PRKCA: variants seen among roughly 807,000 people sequenced by gnomAD.
The protein encoded by PRKCA is protein kinase C alpha type.
Under a neutral mutation model 87.0 loss-of-function variants are expected in PRKCA, and 27 were observed. The ratio of observed to expected loss-of-function variants is 0.31; its 90% CI spans 0.23 to 0.43. PRKCA has a LOEUF of 0.43. Ranked by LOEUF, PRKCA falls within the 20% of genes least tolerant of loss-of-function variation. PRKCA has a pLI of 1.00. For synonymous variants in PRKCA, 329 were observed against 311.1 expected, an observed-to-expected ratio of 1.06 and a Z score of -0.61; for missense variants, 518 against 852.3, an observed-to-expected ratio of 0.61 and a Z score of 4.88.
At chr17:66,541,838 A>AT (rs1275585851) in intron 3 of PRKCA, among the ~76,000 whole-genome samples, 4 of 152,186 alleles carry the variant, frequency 2.6e-5, no homozygotes, top group African/African-American at 9.7e-5. Flanking sequence ...GTCTCTGAGG[A>AT]TTTTCTATCA....
rs1052013842 is a variant in PRKCA at position 66,786,861 on chromosome 17, G to C, written c.1606-6G>C. On this transcript the variant is annotated splice_region_variant and splice_polypyrimidine_tract_variant and intron_variant, in intron 14 of 16. Coordinates refer to ENST00000413366, the MANE Select transcript of PRKCA (RefSeq NM_002737.3). Reference sequence around the variant, plus strand: ...ACTTTCCCATCTTTCTTTTTTTCCGGAACAGCCTCCATTTGATGGTGAAGA... The same window carrying C: ...ACTTTCCCATCTTTCTTTTTTTCCGCAACAGCCTCCATTTGATGGTGAAGA... The C allele has an allele frequency of 1.9e-6, 3 of 1,610,610 alleles. No individual in the cohort carries two copies. The highest frequency in any genetic ancestry group is 2.5e-6 in the Non-Finnish European group (3 of 1,177,854).
chr17:66,448,558 G>A (rs1481792649), intron 2 of PRKCA, among the ~76,000 whole-genome samples: 2 of 152,088 alleles, frequency 1.3e-5, no homozygotes, highest in Non-Finnish European at 2.9e-5. Flanking sequence ...ACCCTTTATA[G>A]TATATATTAA....
chr17:66,693,121 G>A (rs1188222731), intron 8 of PRKCA, among the ~76,000 whole-genome samples: 1 of 152,218 alleles, frequency 6.6e-6, no homozygotes, highest in Non-Finnish European at 1.5e-5. Context: ...AATTTAAATG[G>A]TTGGTTCTCA....
intron 3 of PRKCA, among the ~76,000 whole-genome samples, chr17:66,564,994 C>T (rs1275457582): frequency 6.6e-6 from 1 of 151,884 alleles, no homozygotes. Context: ...CAACAATCAC[C>T]ACCACCACCA....
intron 13 of PRKCA, among the ~76,000 whole-genome samples, chr17:66,751,250 C>A (rs1354224873): frequency 3.9e-5 from 6 of 152,246 alleles, no homozygotes; most frequent in South Asian, 4.1e-4. Context: ...TTAATTCTTA[C>A]AATAGCCCTC....
At chr17:66,452,848 A>C (rs373894372) in intron 2 of PRKCA, among the ~76,000 whole-genome samples, 2 of 152,368 alleles carry the variant, frequency 1.3e-5, no homozygotes, top group African/African-American at 4.8e-5. Context: ...TGGATGACAG[A>C]GCGAGACTCC....
chr17:66,451,795 A>G (rs1371371103), intron 2 of PRKCA, among the ~76,000 whole-genome samples: 1 of 152,172 alleles, frequency 6.6e-6, no homozygotes, highest in African/African-American at 2.4e-5. Flanking sequence ...TCCTGAGTCA[A>G]AGGCTCTGAA....
chr17:66,409,818 T>A (rs1316459559), intron 2 of PRKCA, among the ~76,000 whole-genome samples: 1 of 152,128 alleles, frequency 6.6e-6, no homozygotes, highest in Non-Finnish European at 1.5e-5. Flanking sequence ...GTGTCCCAGC[T>A]GAGACAGGAG....
At chr17:66,607,794 A>T (rs1970252642) in intron 3 of PRKCA, among the ~76,000 whole-genome samples, 1 of 152,080 alleles carries the variant, frequency 6.6e-6, no homozygotes, top group Admixed American at 6.5e-5. Flanking sequence ...TGCCTGTAGG[A>T]TCAACCAGGT....
intron 3 of PRKCA, 90 bp from the exon 4 acceptor site, chr17:66,641,265 G>A: frequency 1.2e-6 from 1 of 808,916 alleles, no homozygotes; most frequent in East Asian, 2.5e-5. Context: ...TTGACTTGGG[G>A]CTGGGGAGTG....
intron 3 of PRKCA, among the ~76,000 whole-genome samples, chr17:66,602,885 C>T (rs763234062): frequency 5.9e-5 from 9 of 152,254 alleles, no homozygotes; most frequent in Non-Finnish European, 7.4e-5. Flanking sequence ...AGGAGCTTGG[C>T]CTCTCCTCTT....
In PRKCA at chr17:66,768,223, C is replaced by T. The variant is rs181367402; in HGVS notation, c.1525-5764C>T. On this transcript the variant is annotated intron_variant, in intron 13 of 16. Transcript: ENST00000413366. Reference sequence around the variant, plus strand: ...CCGCCCAAAGTGCTGGGATTACAAGCGTGAGCCACCATGCCCAGCCATTTT... The same window carrying T: ...CCGCCCAAAGTGCTGGGATTACAAGTGTGAGCCACCATGCCCAGCCATTTT... 4.7e-5 allele frequency among the ~76,000 whole-genome samples: 7 copies of T among 149,572 alleles called. No homozygotes were observed. In the South Asian group the frequency reaches 1.5e-3, roughly 32 times the overall value.
At chr17:66,793,196 G>A (rs910123880) in intron 16 of PRKCA, among the ~76,000 whole-genome samples, 3 of 152,130 alleles carry the variant, frequency 2.0e-5, no homozygotes, top group East Asian at 3.9e-4. Context: ...ACATGAGGAC[G>A]GTCAGCTCAT....
At position 66,495,572 on chromosome 17, in the gene PRKCA, A is replaced by G. The variant is rs942400076; in HGVS notation, c.206-629A>G. On this transcript the variant is annotated intron_variant, in intron 2 of 16. Coordinates refer to ENST00000413366, the MANE Select transcript of PRKCA (RefSeq NM_002737.3). Reference sequence around the variant, plus strand: ...ATTTTATTTTATTTTATTTTTTGAGACGGAGTTTCACTCTTGTTGCCCAGT... The same window carrying G: ...ATTTTATTTTATTTTATTTTTTGAGGCGGAGTTTCACTCTTGTTGCCCAGT... 3.1e-5 allele frequency among the ~76,000 whole-genome samples: 4 copies of G among 130,474 alleles called. 1 individual carries two copies. In the Middle Eastern group the frequency reaches 0.011, roughly 352 times the overall value. 85.6% of individuals were successfully genotyped at this position (130,474 alleles called of 152,430 possible).
intron 2 of PRKCA, among the ~76,000 whole-genome samples, chr17:66,411,408 T>A (rs916943298): frequency 1.4e-4 from 22 of 152,134 alleles, no homozygotes; most frequent in African/African-American, 5.1e-4. Flanking sequence ...CTTTGGTCTT[T>A]TAGACACACT....
At chr17:66,542,825 G>A (rs1248380367) in intron 3 of PRKCA, among the ~76,000 whole-genome samples, 1 of 152,112 alleles carries the variant, frequency 6.6e-6, no homozygotes, top group Admixed American at 6.5e-5. Flanking sequence ...AATTATATTT[G>A]ACAAGTCATT....
chr17:66,323,723 T>C (rs536060357), intron 2 of PRKCA, among the ~76,000 whole-genome samples: 10 of 152,174 alleles, frequency 6.6e-5, no homozygotes, highest in East Asian at 3.9e-4. Context: ...GTGGATCACC[T>C]GAGGCCAGGA....
intron 5 of PRKCA, among the ~76,000 whole-genome samples, chr17:66,660,919 T>A (rs1963332): frequency 0.72 from 102,087 of 142,718 alleles, 34,553 homozygotes; most frequent in East Asian, 0.79. Flanking sequence ...AAAAATAAAT[T>A]AATTAATTAA....
chr17:66,587,431 T>C (rs984738221), intron 3 of PRKCA, among the ~76,000 whole-genome samples: 1 of 152,180 alleles, frequency 6.6e-6, no homozygotes, highest in Non-Finnish European at 1.5e-5. Context: ...TCCAACCTGA[T>C]AGATTTGAGA....
Sources: gnomAD v4.1 joint callset for allele counts (sites outside exome capture counted in the v4.1 genomes callset) on GRCh38, gnomAD v4.1.1 for gene constraint, MANE v1.5 for transcripts, NCBI Gene and HGNC (gene_info 2026-07-23, HGNC 2026-07-21) for gene names.